SLC18B1: variants seen among roughly 807,000 people sequenced by gnomAD.
SLC18B1 encodes the protein MFS-type transporter SLC18B1.
Under a neutral mutation model 53.9 loss-of-function variants are expected in SLC18B1, and 62 were observed. That is an observed-to-expected ratio of 1.15 (90% CI 0.94 to 1.42). The LOEUF (loss-of-function observed/expected upper bound fraction) is 1.42, where lower values mean the gene tolerates loss of function less well. SLC18B1 is among the 40% of genes most tolerant of loss of function. The pLI is 0.00. For missense variants in SLC18B1, 598 were observed against 547.3 expected, an observed-to-expected ratio of 1.09 and a Z score of -0.93; for synonymous variants, 217 against 200.9, an observed-to-expected ratio of 1.08 and a Z score of -0.68.
intron 1 of SLC18B1, among the ~76,000 whole-genome samples, chr6:132,798,037 C>G (rs1009765851): frequency 6.6e-6 from 1 of 151,912 alleles, no homozygotes; most frequent in African/African-American, 2.4e-5. Flanking sequence ...GGAAGTCTTA[C>G]GAATCTTTGT....
intron 10 of SLC18B1, among the ~76,000 whole-genome samples, chr6:132,772,775 C>T (rs1391493316): frequency 1.3e-5 from 2 of 152,170 alleles, no homozygotes; most frequent in East Asian, 1.9e-4. Context: ...CCAAGCCAGA[C>T]ATCTGTCCAC....
intron 5 of SLC18B1, among the ~76,000 whole-genome samples, chr6:132,784,685 A>G (rs1489172905): frequency 1.3e-5 from 2 of 152,224 alleles, no homozygotes; most frequent in Admixed American, 6.5e-5. Context: ...ATTGAGGCAC[A>G]TACCTTATGA....
At chr6:132,786,101 C>G (rs1160812901) in intron 5 of SLC18B1, among the ~76,000 whole-genome samples, 1 of 152,014 alleles carries the variant, frequency 6.6e-6, no homozygotes, top group African/African-American at 2.4e-5. Context: ...AACCATAAAC[C>G]CTTATCTTAA....
At chr6:132,783,018 G>C (rs1781275601) in intron 6 of SLC18B1, among the ~76,000 whole-genome samples, 1 of 151,992 alleles carries the variant, frequency 6.6e-6, no homozygotes, top group Non-Finnish European at 1.5e-5. Flanking sequence ...CAGGTGATCT[G>C]CCCGCCTCGG....
Position 132,770,208 on chromosome 6 carries a change from G to A in SLC18B1, c.*62C>T, listed in dbSNP as rs192910436. On this transcript the variant is annotated 3_prime_UTR_variant, in exon 14 of 14. Coordinates refer to ENST00000275227, the MANE Select transcript of SLC18B1 (RefSeq NM_052831.3). ...GTAAAATTTTAAAAACCCTTCCTAC[G>A]GTGATGTTTAAGGCCAGGAGCATTC... 7.1e-4 allele frequency: 991 copies of A among 1,388,404 alleles called. 2 individuals are homozygous for A. Among genetic ancestry groups the A allele is most frequent in the Non-Finnish European group, 9.3e-4 (919 of 982,926 alleles). 86.0% of individuals were successfully genotyped at this position (1,388,404 alleles called of 1,614,324 possible).
chr6:132,788,972 C>CA (rs745459629), intron 4 of SLC18B1, among the ~76,000 whole-genome samples: 10 of 150,262 alleles, frequency 6.7e-5, no homozygotes, highest in Non-Finnish European at 1.3e-4. Flanking sequence ...ACGACCCTTC[C>CA]AAAAAAATTT....
chr6:132,798,444 C>A lies in SLC18B1; in HGVS notation c.13G>T (p.Gly5Cys). ...GGTGCGCGTGGTCCCTCCAGGTCAC[C>A]CAGCGCCTCCATCCCCGGTGCGTGG... is the stretch of plus-strand genomic sequence containing the variant. MEAL[G>C]DLEGPRAPGG... Residue 5 changes from glycine (G) to cysteine (C), a missense_variant, in exon 1 of 14, where the codon GGT (glycine) becomes TGT (cysteine). Transcript: ENST00000275227. 6.6e-7 allele frequency: 1 copy of A among 1,526,586 alleles called. No homozygotes were observed. The highest frequency in any genetic ancestry group is 8.8e-7 in the Non-Finnish European group (1 of 1,133,754). 94.6% of individuals were successfully genotyped at this position (1,526,586 alleles called of 1,614,324 possible). A position where few individuals can be genotyped will look rare whatever the true frequency, so the allele number is the denominator to read the frequency against.
chr6:132,775,034 T>C (rs1420783352), intron 8 of SLC18B1, among the ~76,000 whole-genome samples: 1 of 152,224 alleles, frequency 6.6e-6, no homozygotes, highest in East Asian at 1.9e-4. Flanking sequence ...AAAATTTATA[T>C]GTTAAATCTT....
intron 9 of SLC18B1, 87 bp from the exon 10 acceptor site, chr6:132,773,175 G>T: frequency 2.3e-6 from 2 of 874,786 alleles, no homozygotes; most frequent in Non-Finnish European, 3.7e-6. Flanking sequence ...AGGAAGTGAG[G>T]ATCCCTGATA....
intron 10 of SLC18B1, among the ~76,000 whole-genome samples, chr6:132,772,568 T>C (rs948072852): frequency 2.6e-5 from 4 of 152,182 alleles, no homozygotes; most frequent in African/African-American, 9.7e-5. Context: ...CCATGAGAAC[T>C]ATTGAACTGA....
At chr6:132,793,122 C>CAATAAATAAATAAATAAATA (rs34648566) in intron 2 of SLC18B1, among the ~76,000 whole-genome samples, 25 of 151,812 alleles carry the variant, frequency 1.6e-4, no homozygotes, top group African/African-American at 5.8e-4. Flanking sequence ...GGCTCTGTCT[C>CAATAAATAAATAAATAAATA]AATAAATAAA....
intron 8 of SLC18B1, among the ~76,000 whole-genome samples, chr6:132,774,652 T>C (rs773389986): frequency 2.6e-5 from 4 of 152,146 alleles, no homozygotes; most frequent in Admixed American, 6.6e-5. Flanking sequence ...CTCACACCTA[T>C]AATCCCAAAA....
At position 132,787,534 on chromosome 6, in the gene SLC18B1, A is replaced by G; in HGVS notation, c.401T>C (p.Phe134Ser). The G allele has an allele frequency of 6.2e-7, 1 of 1,611,156 alleles. No homozygotes were observed. Among genetic ancestry groups the G allele is most frequent in the Non-Finnish European group, 8.5e-7 (1 of 1,178,826 alleles). Residue 134 changes from phenylalanine (F) to serine (S), a missense_variant, in exon 5 of 14, where the codon TTT (phenylalanine) becomes TCT (serine). Phe to Ser is a radical substitution (Grantham distance 155, BLOSUM62 -2). Transcript: ENST00000275227. ...AACTGCATCCATTACTCTCACTAGA[A>G]AACACATAGCAATAAATACTGGCCC... is the stretch of plus-strand genomic sequence containing the variant. ...PDGPVFIAMCFLVRVMDAVSF... is the reference protein window; with the variant it reads ...PDGPVFIAMCSLVRVMDAVSF...
At chr6:132,796,078 G>A (rs955837611) in intron 2 of SLC18B1, among the ~76,000 whole-genome samples, 13 of 152,094 alleles carry the variant, frequency 8.5e-5, no homozygotes, top group African/African-American at 2.9e-4. Context: ...GCCGGGCACG[G>A]TGACTCACGC....
chr6:132,792,225 C>CAGAAAGAAAGAA (rs1554223211), intron 2 of SLC18B1, among the ~76,000 whole-genome samples: 2 of 44,576 alleles, frequency 4.5e-5, no homozygotes, highest in Non-Finnish European at 9.4e-5. Context: ...AAGACACTGT[C>CAGAAAGAAAGAA]AGAAAGAAAG....
In SLC18B1 at chr6:132,784,105, A is replaced by G. The variant is rs1781309876; in HGVS notation, c.502-16T>C. 6.5e-7 allele frequency: 1 copy of G among 1,534,720 alleles called. No homozygotes were observed. Among genetic ancestry groups the G allele is most frequent in the East Asian group, 2.3e-5 (1 of 42,584 alleles). On this transcript the variant is annotated splice_polypyrimidine_tract_variant and intron_variant, in intron 5 of 13. Coordinates refer to ENST00000275227, the MANE Select transcript of SLC18B1 (RefSeq NM_052831.3). ...CAAGACTTCCCTTAAAATGAGAAAA[A>G]GAAAAAATCAGTTTAAATATTTCAT...
Position 132,770,900 on chromosome 6 carries a change from T to C in SLC18B1, c.1294A>G (p.Arg432Gly). ...CAAAATTGACCATACCTTTTTCTCCTTGAATACTCCAGTAGATAAAACAAG... is the reference window on the plus strand; with the variant it reads ...CAAAATTGACCATACCTTTTTCTCCCTGAATACTCCAGTAGATAAAACAAG... ...MGLFYLLEYS[R>G]RKRSKSQNIL... The change falls in exon 13 of 14, where the codon AGG becomes GGG. Residue 432 changes from arginine to glycine, a missense_variant. Physicochemically the swap from Arg to Gly is moderately radical, Grantham distance 125. Transcript: ENST00000275227. 1 of 1,610,916 alleles carries C rather than the reference T, an allele frequency of 6.2e-7. No homozygotes were observed. Among genetic ancestry groups the C allele is most frequent in the Non-Finnish European group, 8.5e-7 (1 of 1,179,180 alleles).
At chr6:132,796,224 G>T (rs1374639300) in intron 2 of SLC18B1, among the ~76,000 whole-genome samples, 5 of 151,388 alleles carry the variant, frequency 3.3e-5, no homozygotes, top group African/African-American at 1.2e-4. Flanking sequence ...GCGTAGTGGC[G>T]GGTACCTGTA....
chr6:132,789,699 A>G (rs982493371), intron 4 of SLC18B1, 65 bp downstream of exon 4: 7 of 1,121,724 alleles, frequency 6.2e-6, no homozygotes, highest in Non-Finnish European at 9.5e-6. Context: ...GTATTTAACA[A>G]TTTAAACAGA....
Sources: gnomAD v4.1 joint callset for allele counts (sites outside exome capture counted in the v4.1 genomes callset) on GRCh38, gnomAD v4.1.1 for gene constraint, MANE v1.5 for transcripts, NCBI Gene and HGNC (gene_info 2026-07-23, HGNC 2026-07-21) for gene names.